Variants in PLB1 observed in about 807,000 individuals in gnomAD.
PLB1 encodes phospholipase B1.
Under a neutral mutation model 227.4 loss-of-function variants are expected in PLB1, and 242 were observed. That is an observed-to-expected ratio of 1.06 (90% CI 0.96 to 1.18). The LOEUF is 1.18. Among genes scored for constraint, PLB1 ranks in the 50% most tolerant of loss-of-function variants. PLB1 has a pLI of 0.00. For synonymous variants in PLB1, 757 were observed against 682.2 expected (o/e 1.11, Z -1.71); for missense variants, 1,858 against 1,816.3 (o/e 1.02, Z -0.42).
intron 7 of PLB1, 77 bp downstream of exon 7, chr2:28,529,484 G>A (rs112316129): frequency 2.0e-5 from 25 of 1,261,718 alleles, no homozygotes; most frequent in Non-Finnish European, 2.6e-5. Flanking sequence ...GGATTTGGGG[G>A]GCTGGCAAAG....
intron 9 of PLB1, 175 bp from the exon 10 acceptor site, chr2:28,538,144 G>T (rs1671957139): frequency 2.5e-6 from 2 of 794,742 alleles, no homozygotes; most frequent in East Asian, 5.4e-5. Flanking sequence ...AGAACAAAAT[G>T]AAGACAAAAC....
chr2:28,506,947 C>T (rs1291283717), intron 1 of PLB1, among the ~76,000 whole-genome samples: 1 of 152,176 alleles, frequency 6.6e-6, no homozygotes, highest in African/African-American at 2.4e-5. Context: ...ACCACAACTT[C>T]CCAGTTGTCT....
At chr2:28,512,558 C>T (rs1668403157) in intron 1 of PLB1, among the ~76,000 whole-genome samples, 1 of 152,048 alleles carries the variant, frequency 6.6e-6, no homozygotes, top group African/African-American at 2.4e-5. Context: ...ATTCTGGATT[C>T]TGTTTTTATT....
intron 20 of PLB1, 64 bp downstream of exon 20, chr2:28,566,903 C>T (rs778156242): frequency 9.4e-6 from 15 of 1,588,248 alleles, no homozygotes; most frequent in Middle Eastern, 1.7e-4. Flanking sequence ...TCCCGCTCCC[C>T]CTGCAGGTGG....
intron 49 of PLB1, 73 bp from the exon 50 acceptor site, chr2:28,624,984 A>C (rs1687541941): frequency 2.6e-5 from 37 of 1,419,826 alleles, no homozygotes; most frequent in Non-Finnish European, 3.6e-5. Context: ...CTCTCTTCCT[A>C]GGCCAAAATC....
chr2:28,634,305 T>G lies in PLB1; in HGVS notation c.4098+1266T>G, dbSNP rs533994601. On this transcript the variant is annotated intron_variant, in intron 56 of 57. Coordinates refer to ENST00000327757, the MANE Select transcript of PLB1 (RefSeq NM_153021.5). ...GTTTATATGGTATAATTCCTGTTTC[T>G]TTTGTGGATTTTGTTTTGAAGGCGG... is the stretch of plus-strand genomic sequence containing the variant. Among the ~76,000 whole-genome samples, 3 of 152,332 alleles carry G rather than the reference T, an allele frequency of 2.0e-5. No homozygotes were observed. In the South Asian group the frequency reaches 6.2e-4, roughly 32 times the overall value.
chr2:28,620,061 G>A (rs1179921606), intron 46 of PLB1, among the ~76,000 whole-genome samples: 1 of 152,112 alleles, frequency 6.6e-6, no homozygotes, highest in Non-Finnish European at 1.5e-5. Flanking sequence ...GGAACCAACA[G>A]GACTTGGTTA....
At chr2:28,623,090 T>A (rs1687261519) in intron 49 of PLB1, among the ~76,000 whole-genome samples, 1 of 152,184 alleles carries the variant, frequency 6.6e-6, no homozygotes, top group Non-Finnish European at 1.5e-5. Flanking sequence ...CAGTATGAAC[T>A]GCACTGTCTA....
intron 43 of PLB1, among the ~76,000 whole-genome samples, chr2:28,612,413 C>T (rs111505029): frequency 6.6e-6 from 1 of 152,084 alleles, no homozygotes; most frequent in African/African-American, 2.4e-5. Flanking sequence ...AGCTCTGGCC[C>T]CAGTTTGGCA....
chr2:28,564,425 T>C (rs1439104650), intron 18 of PLB1, among the ~76,000 whole-genome samples: 1 of 152,134 alleles, frequency 6.6e-6, no homozygotes, highest in Non-Finnish European at 1.5e-5. Flanking sequence ...ACCTGACTGC[T>C]CATAACCTCC....
At chr2:28,638,222 C>G (rs1689591376) in intron 56 of PLB1, among the ~76,000 whole-genome samples, 1 of 151,676 alleles carries the variant, frequency 6.6e-6, no homozygotes, top group African/African-American at 2.4e-5. Context: ...TGATGTGATA[C>G]AGAGTAATGG....
chr2:28,620,935 G>A lies in PLB1; in HGVS notation c.3484G>A (p.Gly1162Arg). ...LLGFSTSTWE[G>R]TAGLNVAAEG... ...TGGCTTCTCTACCAGCACCTGGGAG[G>A]GGACAGCAGGACTAAATGTGGCAGC... Residue 1162 changes from glycine to arginine, a missense_variant, in exon 49 of 58, where the codon GGG (glycine) becomes AGG (arginine). Transcript: ENST00000327757. 1 of 1,613,882 alleles carries A rather than the reference G, an allele frequency of 6.2e-7. No individual in the cohort carries two copies.
chr2:28,633,303 T>TG (rs1688904564), intron 56 of PLB1: 2 of 450,344 alleles, frequency 4.4e-6, no homozygotes, highest in African/African-American at 4.0e-5. Context: ...TGCGAGGGGA[T>TG]CCCTTTGTAA....
intron 17 of PLB1, among the ~76,000 whole-genome samples, chr2:28,555,950 C>T (rs1186432177): frequency 6.7e-6 from 1 of 149,892 alleles, no homozygotes; most frequent in African/African-American, 2.5e-5. Context: ...CTCACTGCAG[C>T]CTTGATCTCC....
intron 29 of PLB1, 151 bp downstream of exon 29, chr2:28,590,227 G>A: frequency 2.8e-6 from 2 of 708,340 alleles, no homozygotes; most frequent in Non-Finnish European, 4.8e-6. Context: ...CCATCTGGTT[G>A]TACTGAGAGG....
chr2:28,533,875 T>C (rs574585989), intron 9 of PLB1, among the ~76,000 whole-genome samples: 1 of 152,370 alleles, frequency 6.6e-6, no homozygotes, highest in East Asian at 1.9e-4. Flanking sequence ...TGTATTCAAC[T>C]ACATGTTATT....
At chr2:28,598,819 C>A (rs1292468725) in intron 35 of PLB1, 59 bp downstream of exon 35, 1 of 1,409,076 alleles carries the variant, frequency 7.1e-7, no homozygotes. Flanking sequence ...TGGATAGTAC[C>A]CTTTAAGACC....
At chr2:28,511,788 C>CTTTTTTTTTTTTTTTTTTTTTTTTTTTT (rs59137589) in intron 1 of PLB1, among the ~76,000 whole-genome samples, 4 of 132,672 alleles carry the variant, frequency 3.0e-5, no homozygotes, top group African/African-American at 1.1e-4. Flanking sequence ...GCCATTTTAT[C>CTTTTTTTTTTTTTTTTTTTTTTTTTTTT]TTTTTTTTTT....
rs769736128 is a variant in PLB1, at chr2:28,632,075, C to G, written c.3937C>G (p.Gln1313Glu). Residue 1313 changes from glutamine (Q) to glutamate (E), a missense_variant, in exon 55 of 58, where the codon CAG (glutamine) becomes GAG (glutamate). Transcript: ENST00000327757. ...TTTCTCCTACTGGCACCAATACACACAGCGTGAGGACTTTGCGGTTGTGGT... is the reference window on the plus strand; with the variant it reads ...TTTCTCCTACTGGCACCAATACACAGAGCGTGAGGACTTTGCGGTTGTGGT... The part of the protein sequence containing the change: ...SSFSYWHQYT[Q>E]REDFAVVVQP... 6.2e-7 allele frequency: 1 copy of G among 1,614,052 alleles called. No homozygotes were observed. Among genetic ancestry groups the G allele is most frequent in the African/African-American group, 1.3e-5 (1 of 74,916 alleles).
Sources: gnomAD v4.1 joint callset for allele counts (sites outside exome capture counted in the v4.1 genomes callset) on GRCh38, gnomAD v4.1.1 for gene constraint, MANE v1.5 for transcripts, NCBI Gene and HGNC (gene_info 2026-07-23, HGNC 2026-07-21) for gene names.